DNAJC15: variants seen among roughly 807,000 people sequenced by gnomAD.
The protein encoded by DNAJC15 is DnaJ heat shock protein family (Hsp40) member C15.
In DNAJC15, 27 loss-of-function variants were observed where a neutral mutation model predicts 22.4. The ratio of observed to expected loss-of-function variants is 1.20; its 90% CI spans 0.89 to 1.66. The LOEUF (loss-of-function observed/expected upper bound fraction) is 1.66. Among genes scored for constraint, DNAJC15 ranks in the 40% most tolerant of loss-of-function variants. The pLI, the probability that DNAJC15 is intolerant of heterozygous loss-of-function variation, is 0.00. For missense variants in DNAJC15, 208 were observed against 187.1 expected, an observed-to-expected ratio of 1.11 and a Z score of -0.65; for synonymous variants, 79 against 63.2, an observed-to-expected ratio of 1.25 and a Z score of -1.19.
At chr13:43,073,067 T>C (rs890686972) in intron 3 of DNAJC15, among the ~76,000 whole-genome samples, 7 of 152,216 alleles carry the variant, frequency 4.6e-5, no homozygotes, top group African/African-American at 1.7e-4. Context: ...TTCCCCTCCA[T>C]GATAATTGGG....
intron 1 of DNAJC15, among the ~76,000 whole-genome samples, chr13:43,036,051 T>C (rs998741833): frequency 1.2e-4 from 18 of 152,348 alleles, no homozygotes; most frequent in Non-Finnish European, 2.2e-4. Flanking sequence ...AATTTTACAT[T>C]TTAAAAATTG....
chr13:43,032,266 C>A (rs957324015), intron 1 of DNAJC15, among the ~76,000 whole-genome samples: 2 of 152,212 alleles, frequency 1.3e-5, no homozygotes, highest in Admixed American at 1.3e-4. Flanking sequence ...GCTCTTCTAA[C>A]AGAACAGAGA....
chr13:43,098,770 C>T (rs1389046709), intron 5 of DNAJC15, among the ~76,000 whole-genome samples: 1 of 152,120 alleles, frequency 6.6e-6, no homozygotes, highest in East Asian at 1.9e-4. Flanking sequence ...TGTCCTAGTA[C>T]CACACTGTCT....
rs569530778 is a variant in DNAJC15, at chr13:43,082,882, G to A, written c.312-2886G>A. Among the ~76,000 whole-genome samples the A allele has an allele frequency of 1.0e-4, 15 of 145,680 alleles. No homozygotes were observed. In the South Asian group the frequency reaches 1.1e-3, roughly 11 times the overall value. On this transcript the variant is annotated intron_variant, in intron 4 of 5. Coordinates refer to ENST00000379221, the MANE Select transcript of DNAJC15 (RefSeq NM_013238.3). ...TATACACACATATATGTGCGTATGC[G>A]TATATGTGTGTATATATATGTGTGT...
At chr13:43,042,771 A>G (rs2040459803) in intron 1 of DNAJC15, among the ~76,000 whole-genome samples, 1 of 152,200 alleles carries the variant, frequency 6.6e-6, no homozygotes, top group African/African-American at 2.4e-5. Context: ...ATCCTTGCAA[A>G]TGATTGGTCC....
chr13:43,099,091 C>G (rs1298879148), intron 5 of DNAJC15, among the ~76,000 whole-genome samples: 1 of 152,048 alleles, frequency 6.6e-6, no homozygotes, highest in Non-Finnish European at 1.5e-5. Flanking sequence ...TTGTAGTTTA[C>G]AAGTCTGAGT....
At chr13:43,054,099 G>T (rs4942189) in intron 1 of DNAJC15, among the ~76,000 whole-genome samples, 31,581 of 152,102 alleles carry the variant, frequency 0.21, 4,310 homozygotes, top group Non-Finnish European at 0.3. Context: ...ATTTTGCTGA[G>T]AGTTTTAATC....
intron 1 of DNAJC15, among the ~76,000 whole-genome samples, chr13:43,060,695 G>A (rs1051049897): frequency 1.3e-5 from 2 of 152,176 alleles, no homozygotes; most frequent in Non-Finnish European, 2.9e-5. Flanking sequence ...GATTAGAAAC[G>A]TTTGAGGTAA....
chr13:43,074,668 T>A (rs981680224), intron 3 of DNAJC15, among the ~76,000 whole-genome samples: 28 of 152,210 alleles, frequency 1.8e-4, no homozygotes, highest in Admixed American at 1.0e-3. Flanking sequence ...TGCTTTCTCA[T>A]GACATAGATA....
rs1185990262 is a variant in DNAJC15 at position 43,112,586 on chromosome 13, C to T, written c.*5338C>T. 1.3e-5 allele frequency: 2 copies of T among 152,194 alleles called. No individual in the cohort carries two copies. Among genetic ancestry groups the T allele is most frequent in the Non-Finnish European group, 2.9e-5 (2 of 68,032 alleles). 9.4% of individuals were successfully genotyped at this position (152,194 alleles called of 1,614,324 possible). A position where few individuals can be genotyped will look rare whatever the true frequency, so the allele number is the denominator to read the frequency against. On this transcript the variant is annotated 3_prime_UTR_variant, in exon 6 of 6. Coordinates refer to ENST00000379221, the MANE Select transcript of DNAJC15 (RefSeq NM_013238.3). Reference sequence around the variant, plus strand: ...TAGAATAAGTTCATTTTAAGAAAAGCATTAATAATATTAGCTAACGTTTAG... The same window carrying T: ...TAGAATAAGTTCATTTTAAGAAAAGTATTAATAATATTAGCTAACGTTTAG...
intron 5 of DNAJC15, among the ~76,000 whole-genome samples, chr13:43,092,617 C>CT (rs2040720676): frequency 1.3e-5 from 2 of 151,938 alleles, no homozygotes; most frequent in South Asian, 2.1e-4. Context: ...AAATTTTATA[C>CT]TTTTTTCTTT....
Position 43,109,728 on chromosome 13 carries a change from G to A in DNAJC15, c.*2480G>A, listed in dbSNP as rs2040815575. The A allele has an allele frequency of 6.6e-6, 1 of 152,084 alleles. No individual in the cohort carries two copies. The highest frequency in any genetic ancestry group is 2.4e-5 in the African/African-American group (1 of 41,416). 9.4% of individuals were successfully genotyped at this position (152,084 alleles called of 1,614,324 possible). A position where few individuals can be genotyped will look rare whatever the true frequency, so the allele number is the denominator to read the frequency against. On this transcript the variant is annotated 3_prime_UTR_variant, in exon 6 of 6. Coordinates refer to ENST00000379221, the MANE Select transcript of DNAJC15 (RefSeq NM_013238.3). ...GCCTGTTGTGGGGCGGGGAGAGGGG[G>A]GAGGGATCGCATTTGGAGATATACT...
chr13:43,030,052 G>C (rs2040397724), intron 1 of DNAJC15, among the ~76,000 whole-genome samples: 2 of 152,096 alleles, frequency 1.3e-5, no homozygotes, highest in Non-Finnish European at 2.9e-5. Flanking sequence ...AGTCAGGAGA[G>C]GCCTAAAATG....
At chr13:43,079,742 G>C (rs2040653006) in intron 4 of DNAJC15, among the ~76,000 whole-genome samples, 1 of 152,098 alleles carries the variant, frequency 6.6e-6, no homozygotes, top group Admixed American at 6.5e-5. Flanking sequence ...AAAGGTTTTT[G>C]AGGATATCCT....
At chr13:43,087,306 C>T (rs1397813505) in intron 5 of DNAJC15, among the ~76,000 whole-genome samples, 1 of 152,222 alleles carries the variant, frequency 6.6e-6, no homozygotes, top group South Asian at 2.1e-4. Flanking sequence ...TTCCTAAAAC[C>T]CATCCATATA....
At chr13:43,044,928 A>G (rs1477865963) in intron 1 of DNAJC15, among the ~76,000 whole-genome samples, 5 of 152,002 alleles carry the variant, frequency 3.3e-5, no homozygotes, top group South Asian at 2.1e-4. Flanking sequence ...ATCCTCTACA[A>G]TCTATTCTCA....
intron 5 of DNAJC15, among the ~76,000 whole-genome samples, chr13:43,092,577 C>T (rs1296769969): frequency 6.6e-6 from 1 of 151,022 alleles, no homozygotes; most frequent in East Asian, 1.9e-4. Context: ...TTTTTCTGAC[C>T]CTTTACTTTT....
At chr13:43,050,837 T>C (rs1376646721) in intron 1 of DNAJC15, among the ~76,000 whole-genome samples, 1 of 152,232 alleles carries the variant, frequency 6.6e-6, no homozygotes, top group Non-Finnish European at 1.5e-5. Flanking sequence ...GGGTTTTTGA[T>C]TAGCTGTGCT....
intron 1 of DNAJC15, among the ~76,000 whole-genome samples, chr13:43,026,475 T>G (rs2040381331): frequency 6.6e-6 from 1 of 152,192 alleles, no homozygotes; most frequent in Non-Finnish European, 1.5e-5. Flanking sequence ...CCTAAGGGGT[T>G]GTTCTGCTTC....
Sources: gnomAD v4.1 joint callset for allele counts (sites outside exome capture counted in the v4.1 genomes callset) on GRCh38, gnomAD v4.1.1 for gene constraint, MANE v1.5 for transcripts, NCBI Gene and HGNC (gene_info 2026-07-23, HGNC 2026-07-21) for gene names.